HDGFL3: variants seen among roughly 807,000 people sequenced by gnomAD.
HDGFL3 encodes the protein HDGF like 3.
A neutral mutation model predicts 27.6 loss-of-function variants in HDGFL3; 6 were observed. The ratio of observed to expected loss-of-function variants is 0.22; its 90% CI spans 0.12 to 0.43. HDGFL3 has a LOEUF of 0.43. HDGFL3 is among the 20% of genes least tolerant of loss of function. HDGFL3 has a pLI of 1.00. For missense variants in HDGFL3, 207 were observed against 250.1 expected, an observed-to-expected ratio of 0.83 and a Z score of 1.16; for synonymous variants, 88 against 88.9, an observed-to-expected ratio of 0.99 and a Z score of 0.05.
chr15:83,119,814 G>A (rs982357544), intron 3 of HDGFL3: 31 of 1,413,658 alleles, frequency 2.2e-5, no homozygotes, highest in Middle Eastern at 2.3e-4. Flanking sequence ...ATGGGTGCAC[G>A]TCAGACGTGG....
At chr15:83,170,476 C>T (rs1215984640) in intron 1 of HDGFL3, among the ~76,000 whole-genome samples, 1 of 152,104 alleles carries the variant, frequency 6.6e-6, no homozygotes, top group Admixed American at 6.5e-5. Flanking sequence ...AGAAAGAACT[C>T]CCTATTTGAT....
At chr15:83,152,725 C>G (rs2036978815) in intron 4 of HDGFL3, among the ~76,000 whole-genome samples, 1 of 150,312 alleles carries the variant, frequency 6.7e-6, no homozygotes, top group African/African-American at 2.4e-5. Context: ...CGTCCTCTAG[C>G]TGTGTGGCAG....
exon 4 of HDGFL3, chr15:83,112,815 G>C: frequency 6.2e-7 from 1 of 1,613,986 alleles, no homozygotes; most frequent in Non-Finnish European, 8.5e-7. Context: ...CTATTGTAGG[G>C]GTTGCTGCCC....
In HDGFL3 at chr15:83,190,647, T is replaced by C. The variant is rs2037500731; in HGVS notation, c.84+16684A>G. Reference sequence around the variant, plus strand: ...CATTGAGCTTTTGTCTTTTTCTTACTGACTCATTTTGTATACTAAAGCTTT... The same window carrying C: ...CATTGAGCTTTTGTCTTTTTCTTACCGACTCATTTTGTATACTAAAGCTTT... On this transcript the variant is annotated intron_variant, in intron 1 of 5. Transcript: ENST00000299633. Among the ~76,000 whole-genome samples the C allele has an allele frequency of 1.3e-5, 2 of 152,240 alleles. 1 individual carries two copies. The highest frequency in any genetic ancestry group is 4.8e-5 in the African/African-American group (2 of 41,470).
At chr15:83,188,730 C>T (rs934827925) in intron 1 of HDGFL3, among the ~76,000 whole-genome samples, 3 of 152,164 alleles carry the variant, frequency 2.0e-5, no homozygotes, top group African/African-American at 7.2e-5. Context: ...CTCTTCTCTA[C>T]CTACCTACAC....
chr15:83,184,764 TG>T (rs1567175311), intron 1 of HDGFL3: 1 of 152,162 alleles, frequency 6.6e-6, no homozygotes, highest in Non-Finnish European at 1.5e-5. Flanking sequence ...AGAAGGCAAA[TG>T]GCAGATGAAA....
intron 1 of HDGFL3, among the ~76,000 whole-genome samples, chr15:83,180,394 G>C (rs757252418): frequency 2.6e-5 from 4 of 151,978 alleles, no homozygotes; most frequent in Admixed American, 2.6e-4. Context: ...AAAAAACGTA[G>C]AGAAAAAAAC....
At chr15:83,112,929 T>C in exon 4 of HDGFL3, 4 of 1,515,432 alleles carry the variant, frequency 2.6e-6, no homozygotes, top group South Asian at 1.1e-5. Context: ...AAATCTTTTG[T>C]ATCTGATTAA....
intron 1 of HDGFL3, among the ~76,000 whole-genome samples, chr15:83,192,025 C>A (rs750260323): frequency 2.7e-5 from 4 of 150,900 alleles, no homozygotes; most frequent in African/African-American, 7.3e-5. Flanking sequence ...CACTGCAACC[C>A]CTGTCTCCCA....
At chr15:83,169,061 A>G (rs1467504068) in intron 1 of HDGFL3, among the ~76,000 whole-genome samples, 1 of 152,214 alleles carries the variant, frequency 6.6e-6, no homozygotes, top group Middle Eastern at 3.2e-3. Context: ...AGAGCTTTTG[A>G]TAAAATCCCT....
In HDGFL3 at chr15:83,164,094, G is replaced by T; in HGVS notation, c.85-19C>A. Reference sequence around the variant, plus strand: ...CATCAATCTATGAAAGATACATTTAGTTACTGAGTGAGTGGTTATCATAAA... The same window carrying T: ...CATCAATCTATGAAAGATACATTTATTTACTGAGTGAGTGGTTATCATAAA... On this transcript the variant is annotated intron_variant, in intron 1 of 5. Transcript: ENST00000299633. The T allele has an allele frequency of 1.3e-6, 2 of 1,491,086 alleles. No homozygotes were observed. The highest frequency in any genetic ancestry group is 1.8e-6 in the Non-Finnish European group (2 of 1,087,022). 92.4% of individuals were successfully genotyped at this position (1,491,086 alleles called of 1,614,324 possible).
At chr15:83,165,248 A>C (rs1026578459) in intron 1 of HDGFL3, among the ~76,000 whole-genome samples, 1 of 152,184 alleles carries the variant, frequency 6.6e-6, no homozygotes, top group African/African-American at 2.4e-5. Context: ...TCTCAAAGCA[A>C]GATCTATGTA....
At chr15:83,164,227 T>C (rs2037135207) in intron 1 of HDGFL3, 152 bp from the exon 2 acceptor site, 1 of 571,774 alleles carries the variant, frequency 1.7e-6, no homozygotes, top group Non-Finnish European at 3.0e-6. Context: ...AGTTCCTATT[T>C]GGCCCACCAC....
intron 5 of HDGFL3, among the ~76,000 whole-genome samples, chr15:83,143,980 TA>T (rs1474693408): frequency 6.6e-6 from 1 of 152,174 alleles, no homozygotes; most frequent in Non-Finnish European, 1.5e-5. Context: ...CTAGTAAATA[TA>T]TTGGAATAAT....
intron 5 of HDGFL3, among the ~76,000 whole-genome samples, chr15:83,150,475 A>T (rs960446876): frequency 6.6e-6 from 1 of 152,226 alleles, no homozygotes; most frequent in Non-Finnish European, 1.5e-5. Context: ...AATTATAGAT[A>T]ACTGGGATGA....
chr15:83,127,017 C>A (rs970685590), downstream of HDGFL3, among the ~76,000 whole-genome samples: 10 of 151,970 alleles, frequency 6.6e-5, no homozygotes, highest in African/African-American at 2.4e-4. Flanking sequence ...ATGGTGAAAC[C>A]CCATCTCTAC....
chr15:83,184,815 G>A (rs921884661), intron 1 of HDGFL3: 2 of 152,180 alleles, frequency 1.3e-5, no homozygotes, highest in African/African-American at 4.8e-5. Context: ...TCAGTTGCAA[G>A]GGAAAATCCA....
intron 5 of HDGFL3, among the ~76,000 whole-genome samples, chr15:83,143,213 T>A (rs1467607821): frequency 6.6e-6 from 1 of 152,130 alleles, no homozygotes; most frequent in Non-Finnish European, 1.5e-5. Context: ...GGTTTCACCA[T>A]GTTGGCCAGG....
Position 83,207,715 on chromosome 15 carries a change from G to A in HDGFL3, c.-301C>T. 2 of 149,872 alleles carry A rather than the reference G, an allele frequency of 1.3e-5. No homozygotes were observed. Among genetic ancestry groups the A allele is most frequent in the African/African-American group, 2.4e-5 (1 of 40,918 alleles). The allele number at this position is 149,872 out of a possible 1,614,324, so 9.3% of individuals were successfully genotyped here. ...CGCCGCCGCCGCCGCCGCGCGCGCT[G>A]CTCACCAGCGCCGCGTCGCCTGCCT... On this transcript the variant is annotated 5_prime_UTR_variant, in exon 1 of 6. Coordinates refer to ENST00000299633, the MANE Select transcript of HDGFL3 (RefSeq NM_016073.4). This position sits in a 1 kb window ranked among gnomAD's most constrained non-coding sequence, Gnocchi z 4.8.
Sources: gnomAD v4.1 joint callset for allele counts (sites outside exome capture counted in the v4.1 genomes callset) on GRCh38, gnomAD v4.1.1 for gene constraint, Gnocchi (gnomAD v3.1) non-coding constraint, MANE v1.5 for transcripts, NCBI Gene and HGNC (gene_info 2026-07-23, HGNC 2026-07-21) for gene names.